The following GPC6 variants were observed in gnomAD, a reference collection of about 807,000 sequenced individuals.
The protein encoded by GPC6 is glypican-6.
GPC6 carries 14 observed loss-of-function variants against 55.2 expected under a neutral mutation model. The observed-to-expected ratio is 0.25, with a 90% CI of 0.17 to 0.40. GPC6 has a LOEUF of 0.40. Among genes scored for constraint, GPC6 ranks in the 10% least tolerant of loss-of-function variants. The pLI, the probability that GPC6 is intolerant of heterozygous loss-of-function variation, is 1.00. For missense variants in GPC6, 641 were observed against 708.5 expected (o/e 0.90, Z 1.08); for synonymous variants, 278 against 259.6 (o/e 1.07, Z -0.68).
intron 4 of GPC6, among the ~76,000 whole-genome samples, chr13:94,054,528 T>C (rs1027955796): frequency 6.6e-6 from 1 of 152,198 alleles, no homozygotes; most frequent in African/African-American, 2.4e-5. Flanking sequence ...GGATAACCAC[T>C]GATCCAAATA....
At chr13:94,066,938 T>C (rs1171819687) in intron 4 of GPC6, among the ~76,000 whole-genome samples, 3 of 152,218 alleles carry the variant, frequency 2.0e-5, no homozygotes, top group Admixed American at 6.5e-5. Context: ...GGAATACAAC[T>C]GGGTAGTTTT....
chr13:93,598,166 T>TA (rs1203922911), intron 2 of GPC6, among the ~76,000 whole-genome samples: 4 of 151,122 alleles, frequency 2.6e-5, no homozygotes, highest in Non-Finnish European at 5.9e-5. Context: ...TAATAATAAA[T>TA]AAAAAAGTTA....
At chr13:93,235,093 G>A (rs1419137155) in intron 1 of GPC6, among the ~76,000 whole-genome samples, 1 of 151,968 alleles carries the variant, frequency 6.6e-6, no homozygotes, top group Non-Finnish European at 1.5e-5. Flanking sequence ...AATGATATTT[G>A]GTACTTAAGC....
At chr13:94,006,106 A>G (rs1257284298) in intron 3 of GPC6, among the ~76,000 whole-genome samples, 1 of 152,228 alleles carries the variant, frequency 6.6e-6, no homozygotes, top group African/African-American at 2.4e-5. Context: ...ACATTTTTAT[A>G]TAGGCAAAGC....
chr13:94,149,441 A>G (rs1887664122), intron 4 of GPC6, among the ~76,000 whole-genome samples: 1 of 152,142 alleles, frequency 6.6e-6, no homozygotes, highest in South Asian at 2.1e-4. Flanking sequence ...TGGTGTTCAC[A>G]TATGCCTTGT....
At chr13:93,822,150 C>T (rs1887071062) in intron 2 of GPC6, among the ~76,000 whole-genome samples, 1 of 151,762 alleles carries the variant, frequency 6.6e-6, no homozygotes, top group African/African-American at 2.4e-5. Flanking sequence ...TTCATATATA[C>T]ATGTATGTAT....
intron 2 of GPC6, among the ~76,000 whole-genome samples, chr13:93,683,286 T>C (rs183107165): frequency 3.2e-4 from 48 of 152,218 alleles, no homozygotes; most frequent in African/African-American, 1.1e-3. Flanking sequence ...TTTTGGTATT[T>C]CTGCTTTAAT....
intron 3 of GPC6, among the ~76,000 whole-genome samples, chr13:93,839,443 A>C (rs1418597130): frequency 6.6e-6 from 1 of 152,116 alleles, no homozygotes; most frequent in African/African-American, 2.4e-5. Flanking sequence ...GTTGTACTCA[A>C]TAGGATCAGG....
intron 1 of GPC6, among the ~76,000 whole-genome samples, chr13:93,327,972 G>A (rs931053642): frequency 6.6e-6 from 1 of 151,878 alleles, no homozygotes; most frequent in Admixed American, 6.6e-5. Context: ...AGAGCTTTGA[G>A]GAAATACATA....
At chr13:93,308,811 T>A (rs1878962949) in intron 1 of GPC6, among the ~76,000 whole-genome samples, 1 of 152,232 alleles carries the variant, frequency 6.6e-6, no homozygotes, top group Non-Finnish European at 1.5e-5. Flanking sequence ...TTAATTTTTT[T>A]ATGGCTAAGA....
intron 1 of GPC6, among the ~76,000 whole-genome samples, chr13:93,481,235 T>A (rs1879511674): frequency 1.3e-5 from 2 of 152,206 alleles, no homozygotes; most frequent in South Asian, 4.1e-4. Flanking sequence ...TTTGTATATC[T>A]CTTTTGAAAT....
chr13:94,177,747 A>C (rs1888833636), intron 4 of GPC6, among the ~76,000 whole-genome samples: 1 of 152,140 alleles, frequency 6.6e-6, no homozygotes, highest in Non-Finnish European at 1.5e-5. Context: ...AGTTATTTCA[A>C]TATAATCTCC....
At chr13:93,650,990 T>G (rs1880385410) in intron 2 of GPC6, among the ~76,000 whole-genome samples, 1 of 152,158 alleles carries the variant, frequency 6.6e-6, no homozygotes, top group Non-Finnish European at 1.5e-5. Flanking sequence ...GAACAAGCAT[T>G]AAGTATATGT....
At chr13:93,775,484 G>A (rs1461921604) in intron 2 of GPC6, among the ~76,000 whole-genome samples, 5 of 152,172 alleles carry the variant, frequency 3.3e-5, no homozygotes, top group African/African-American at 1.2e-4. Flanking sequence ...TTTTCTAGAA[G>A]AAAATTGTCA....
chr13:93,957,005 C>T (rs946112709), intron 3 of GPC6, among the ~76,000 whole-genome samples: 6 of 151,956 alleles, frequency 3.9e-5, no homozygotes, highest in Non-Finnish European at 2.9e-5. Context: ...TATGGTATTC[C>T]CAAATTAGCC....
chr13:93,231,716 G>C (rs1425233251), intron 1 of GPC6, among the ~76,000 whole-genome samples: 1 of 151,742 alleles, frequency 6.6e-6, no homozygotes, highest in African/African-American at 2.4e-5. Context: ...GAAATATTGG[G>C]TTAGTCCAAC....
chr13:94,078,338 C>G (rs906121882), intron 4 of GPC6, among the ~76,000 whole-genome samples: 1 of 151,684 alleles, frequency 6.6e-6, no homozygotes, highest in African/African-American at 2.4e-5. Flanking sequence ...ACCTAATTTT[C>G]TACCTCAAGA....
intron 2 of GPC6, among the ~76,000 whole-genome samples, chr13:93,708,997 T>A (rs2138805622): frequency 6.6e-6 from 1 of 151,958 alleles, no homozygotes; most frequent in South Asian, 2.1e-4. Flanking sequence ...GGTATGTTAT[T>A]ATATACGATG....
At chr13:93,495,141 C>T (rs1243143723) in intron 1 of GPC6, among the ~76,000 whole-genome samples, 1 of 107,624 alleles carries the variant, frequency 9.3e-6, no homozygotes, top group Admixed American at 9.5e-5. Flanking sequence ...TTCCATTCTC[C>T]GCATCACTTT....
Sources: gnomAD v4.1 joint callset for allele counts (sites outside exome capture counted in the v4.1 genomes callset) on GRCh38, gnomAD v4.1.1 for gene constraint, MANE v1.5 for transcripts, NCBI Gene and HGNC (gene_info 2026-07-23, HGNC 2026-07-21) for gene names.